The following GRM5 variants were observed in gnomAD, a reference collection of about 807,000 sequenced individuals.
GRM5 encodes metabotropic glutamate receptor 5.
In GRM5, 19 loss-of-function variants were observed where a neutral mutation model predicts 83.1. That is an observed-to-expected ratio of 0.23 (90% CI 0.16 to 0.34). The LOEUF (loss-of-function observed/expected upper bound fraction) is 0.34. GRM5 is among the 10% of genes least tolerant of loss of function. GRM5 has a pLI of 1.00. For missense variants in GRM5, 1,160 were observed against 1,588.3 expected, an observed-to-expected ratio of 0.73 and a Z score of 4.58; for synonymous variants, 675 against 633.6, an observed-to-expected ratio of 1.07 and a Z score of -0.98.
At chr11:88,911,096 T>G (rs1361430189) in intron 2 of GRM5, among the ~76,000 whole-genome samples, 1 of 152,118 alleles carries the variant, frequency 6.6e-6, no homozygotes, top group Non-Finnish European at 1.5e-5. Flanking sequence ...AGTCACTTCT[T>G]GATTTTTCCA....
At chr11:88,620,017 G>A (rs914378273) in intron 4 of GRM5, among the ~76,000 whole-genome samples, 8 of 152,120 alleles carry the variant, frequency 5.3e-5, no homozygotes, top group Non-Finnish European at 1.2e-4. Context: ...TATGCACAGT[G>A]GATGATACCA....
intron 2 of GRM5, among the ~76,000 whole-genome samples, chr11:88,973,794 T>TC (rs201231911): frequency 6.6e-6 from 1 of 151,400 alleles, no homozygotes; most frequent in Non-Finnish European, 1.5e-5. Flanking sequence ...TTAACATTTT[T>TC]GAAACAAGAG....
intron 2 of GRM5, among the ~76,000 whole-genome samples, chr11:88,996,321 A>G (rs999383857): frequency 3.9e-5 from 6 of 152,246 alleles, no homozygotes; most frequent in Admixed American, 3.9e-4. Context: ...TCTGAAGAGA[A>G]GAAATGGTAT....
rs777292341 is a variant in GRM5 at position 88,960,221 on chromosome 11, T to A, written c.661+86991A>T. Among the ~76,000 whole-genome samples, 305 of 152,306 alleles carry A rather than the reference T, an allele frequency of 2.0e-3. 2 individuals carry two copies. Among genetic ancestry groups the A allele is most frequent in the Non-Finnish European group, 3.4e-3 (233 of 68,022 alleles). On this transcript the variant is annotated intron_variant, in intron 2 of 9. Transcript: ENST00000305447. ...TAGGGAACTGATTATGTAGGTCTATTTATATTTAGAATGAATGAATTTGGG... is the reference window on the plus strand; with the variant it reads ...TAGGGAACTGATTATGTAGGTCTATATATATTTAGAATGAATGAATTTGGG...
intron 3 of GRM5, among the ~76,000 whole-genome samples, chr11:88,750,437 A>G (rs1442507189): frequency 1.3e-5 from 2 of 152,230 alleles, no homozygotes; most frequent in African/African-American, 4.8e-5. Flanking sequence ...GGATTCATAA[A>G]GCAAGTTCTT....
intron 3 of GRM5, among the ~76,000 whole-genome samples, chr11:88,776,675 T>C (rs1292787772): frequency 1.3e-5 from 2 of 152,110 alleles, no homozygotes; most frequent in East Asian, 3.9e-4. Context: ...CTGTAGAGGA[T>C]TTTATTTCTC....
intron 8 of GRM5, among the ~76,000 whole-genome samples, chr11:88,526,780 G>C (rs966100145): frequency 6.6e-6 from 1 of 151,892 alleles, no homozygotes; most frequent in Non-Finnish European, 1.5e-5. Flanking sequence ...AAGAAAAATG[G>C]CTTATTACAT....
At chr11:88,935,896 A>G (rs1404981339) in intron 2 of GRM5, among the ~76,000 whole-genome samples, 3 of 151,954 alleles carry the variant, frequency 2.0e-5, no homozygotes, top group Non-Finnish European at 4.4e-5. Context: ...TATTTGGGGT[A>G]ACACTAATTA....
chr11:88,934,012 T>C (rs1404026381), intron 2 of GRM5, among the ~76,000 whole-genome samples: 1 of 151,754 alleles, frequency 6.6e-6, no homozygotes, highest in East Asian at 1.9e-4. Flanking sequence ...TGTCTTTATC[T>C]TGCTGATAAT....
intron 8 of GRM5, among the ~76,000 whole-genome samples, chr11:88,559,848 A>G (rs1448705912): frequency 6.6e-6 from 1 of 152,172 alleles, no homozygotes; most frequent in Non-Finnish European, 1.5e-5. Flanking sequence ...TAAACAGACA[A>G]TTCTAACGTG....
chr11:88,836,569 G>A (rs567184641), intron 3 of GRM5, among the ~76,000 whole-genome samples: 1 of 152,148 alleles, frequency 6.6e-6, no homozygotes, highest in Non-Finnish European at 1.5e-5. Flanking sequence ...GGAAGATGAG[G>A]TCACTGGAAA....
At chr11:88,668,295 TCGCACACACA>T (rs1252498401) in intron 3 of GRM5, among the ~76,000 whole-genome samples, 35 of 81,758 alleles carry the variant, frequency 4.3e-4, no homozygotes, top group Non-Finnish European at 6.0e-4. Flanking sequence ...CCCCAGAAAC[TCGCACACACA>T]CACACACACA....
At chr11:88,621,387 G>A (rs80093426) in intron 4 of GRM5, among the ~76,000 whole-genome samples, 3,795 of 152,226 alleles carry the variant, frequency 0.025, 50 homozygotes, top group African/African-American at 0.051. Context: ...GTCACTCTAC[G>A]ATGAATCCTT....
At chr11:88,759,181 A>G (rs994378583) in intron 3 of GRM5, among the ~76,000 whole-genome samples, 1 of 151,958 alleles carries the variant, frequency 6.6e-6, no homozygotes, top group Non-Finnish European at 1.5e-5. Context: ...AGTCTACATA[A>G]TAACCAGCTA....
chr11:88,711,514 A>G (rs1276205648), intron 3 of GRM5, among the ~76,000 whole-genome samples: 1 of 152,106 alleles, frequency 6.6e-6, no homozygotes, highest in African/African-American at 2.4e-5. Context: ...TCTAGCACCC[A>G]TGGTTCTCAT....
intron 3 of GRM5, among the ~76,000 whole-genome samples, chr11:88,686,328 C>T (rs1420221660): frequency 6.6e-6 from 1 of 152,118 alleles, no homozygotes; most frequent in African/African-American, 2.4e-5. Context: ...TGTATTTACC[C>T]AATACATGTA....
At chr11:88,846,125 A>G (rs1197427743) in intron 3 of GRM5, among the ~76,000 whole-genome samples, 1 of 152,248 alleles carries the variant, frequency 6.6e-6, no homozygotes, top group African/African-American at 2.4e-5. Flanking sequence ...GTAGTAAAGA[A>G]TATTCTCAAA....
intron 8 of GRM5, among the ~76,000 whole-genome samples, chr11:88,564,532 A>G (rs7124979): frequency 0.054 from 8,182 of 152,266 alleles, 699 homozygotes; most frequent in African/African-American, 0.18. Context: ...GGAGTGAGAG[A>G]GATATCTGTA....
chr11:88,617,595 G>A (rs1938519414), intron 4 of GRM5, among the ~76,000 whole-genome samples: 1 of 152,086 alleles, frequency 6.6e-6, no homozygotes, highest in South Asian at 2.1e-4. Flanking sequence ...TTCTAGCTAA[G>A]CCCCCAGGTA....
Sources: allele counts gnomAD v4.1 joint callset (sites outside exome capture counted in the v4.1 genomes callset), GRCh38; gene constraint gnomAD v4.1.1; transcripts MANE v1.5; gene names NCBI Gene and HGNC (gene_info 2026-07-23, HGNC 2026-07-21).